Variants in PPP2R2D observed in about 807,000 individuals in gnomAD.
PPP2R2D encodes serine/threonine-protein phosphatase 2A 55 kDa regulatory subunit B delta isoform.
In PPP2R2D, 9 loss-of-function variants were observed where a neutral mutation model predicts 31.1. The ratio of observed to expected loss-of-function variants is 0.29; its 90% CI spans 0.17 to 0.51. The LOEUF is 0.51. PPP2R2D is among the 20% of genes least tolerant of loss of function. The probability of loss-of-function intolerance (pLI) is 0.98; values close to 1 mark genes in which losing one functional copy is unlikely to be tolerated. For missense variants in PPP2R2D, 391 were observed against 465.6 expected (o/e 0.84, Z 1.48); for synonymous variants, 179 against 172.6 (o/e 1.04, Z -0.29).
chr10:131,906,105 C>T (rs2035577187), intron 2 of PPP2R2D, among the ~76,000 whole-genome samples: 2 of 152,306 alleles, frequency 1.3e-5, no homozygotes, highest in Middle Eastern at 3.4e-3. Flanking sequence ...GCAAGTGCTG[C>T]AGCACCTTTG....
chr10:131,907,334 A>C (rs2035608648), intron 2 of PPP2R2D, among the ~76,000 whole-genome samples: 1 of 152,208 alleles, frequency 6.6e-6, no homozygotes, highest in Non-Finnish European at 1.5e-5. Context: ...TCAGGAAAGC[A>C]TCCTCTGGGG....
Position 131,956,311 on chromosome 10 carries a change from C to G in PPP2R2D, c.*348C>G, listed in dbSNP as rs1463656446. On this transcript the variant is annotated 3_prime_UTR_variant, in exon 9 of 9. Transcript: ENST00000455566. Reference sequence around the variant, plus strand: ...CCAAGAGAAAAGTTATTGTCAGATACCGCTCTTTCTCCAACTTTCCCTCTT... The same window carrying G: ...CCAAGAGAAAAGTTATTGTCAGATAGCGCTCTTTCTCCAACTTTCCCTCTT... 1 of 1,005,496 alleles carries G rather than the reference C, an allele frequency of 9.9e-7. No individual in the cohort carries two copies. The highest frequency in any genetic ancestry group is 1.7e-5 in the African/African-American group (1 of 58,062). 62.3% of individuals were successfully genotyped at this position (1,005,496 alleles called of 1,614,324 possible). A position where few individuals can be genotyped will look rare whatever the true frequency, so the allele number is the denominator to read the frequency against.
intron 2 of PPP2R2D, among the ~76,000 whole-genome samples, chr10:131,905,372 A>G (rs2035565554): frequency 1.3e-5 from 2 of 152,132 alleles, no homozygotes; most frequent in Non-Finnish European, 2.9e-5. Flanking sequence ...TCTGCATGTT[A>G]TGGAATCACC....
intron 2 of PPP2R2D, among the ~76,000 whole-genome samples, chr10:131,924,276 C>A (rs2036055858): frequency 6.6e-6 from 1 of 152,042 alleles, no homozygotes; most frequent in Non-Finnish European, 1.5e-5. Flanking sequence ...TTAGCTCTTA[C>A]ATTTAGGTCT....
intron 2 of PPP2R2D, among the ~76,000 whole-genome samples, chr10:131,901,600 C>T (rs1376764689): frequency 6.6e-6 from 1 of 152,184 alleles, no homozygotes; most frequent in African/African-American, 2.4e-5. Context: ...GTCCTCCGAA[C>T]CCAGCGCCTG....
In PPP2R2D at chr10:131,944,099, C is replaced by T; in HGVS notation, c.609C>T (p.Asp203=). The change falls in exon 6 of 9, where the codon GAC becomes GAT. Residue 203 remains aspartate, a synonymous_variant. Coordinates refer to ENST00000455566, the MANE Select transcript of PPP2R2D (RefSeq NM_018461.5). The part of the protein sequence containing the change: ...SDHETYLSAD[D]LRINLWHLEI... The stretch of plus-strand genomic sequence containing the variant: ...ATGAAACATATCTTTCTGCAGATGA[C>T]CTGAGAATTAATTTATGGCACTTAG... 2 of 1,611,964 alleles carry T rather than the reference C, an allele frequency of 1.2e-6. No individual in the cohort carries two copies. The highest frequency in any genetic ancestry group is 2.2e-5 in the East Asian group (1 of 44,840).
At chr10:131,964,839 T>C in the PPP2R2D span, among the ~76,000 whole-genome samples, 1 of 152,036 alleles carries the variant, frequency 6.6e-6, no homozygotes, top group African/African-American at 2.4e-5. Context: ...CAGTTATTCA[T>C]TGAATTTGGC....
chr10:131,901,190 G>C (rs1327397456), intron 1 of PPP2R2D, 35 bp downstream of exon 1: 22 of 332,932 alleles, frequency 6.6e-5, no homozygotes, highest in Non-Finnish European at 1.1e-4. Flanking sequence ...GGGACCACGG[G>C]GGCGGGCGGG....
chr10:131,901,929 T>C (rs2035506741), intron 2 of PPP2R2D, among the ~76,000 whole-genome samples: 2 of 152,260 alleles, frequency 1.3e-5, no homozygotes, highest in African/African-American at 2.4e-5. Context: ...TCTACTGATA[T>C]ATTTTAAGGT....
At chr10:131,921,473 A>T (rs2035987221) in intron 2 of PPP2R2D, among the ~76,000 whole-genome samples, 2 of 152,094 alleles carry the variant, frequency 1.3e-5, no homozygotes, top group South Asian at 4.1e-4. Context: ...CAAATGAGGG[A>T]TGGGCCTGGA....
chr10:131,939,906 T>A, intron 3 of PPP2R2D, 125 bp from the exon 4 acceptor site: 1 of 424,732 alleles, frequency 2.4e-6, no homozygotes, highest in Non-Finnish European at 4.3e-6. Flanking sequence ...ATCTGAGATT[T>A]TTTTGAGCCA....
intron 2 of PPP2R2D, among the ~76,000 whole-genome samples, chr10:131,908,175 C>T (rs1246979504): frequency 2.0e-5 from 3 of 152,138 alleles, no homozygotes; most frequent in Non-Finnish European, 2.9e-5. Flanking sequence ...TTTTCCTTAC[C>T]TGCTTCATGT....
intron 2 of PPP2R2D, among the ~76,000 whole-genome samples, chr10:131,920,359 G>A (rs556566811): frequency 1.5e-5 from 2 of 131,080 alleles, no homozygotes; most frequent in African/African-American, 5.9e-5. Context: ...TCAGGCAGGT[G>A]GAATGACACA....
chr10:131,947,503 C>G lies in PPP2R2D; in HGVS notation c.821-27C>G. ...TTGTTCTCTGATTTTTAAACAGAAGCTGAAAACATTTTATTTTGTTTTTCA... is the reference window on the plus strand; with the variant it reads ...TTGTTCTCTGATTTTTAAACAGAAGGTGAAAACATTTTATTTTGTTTTTCA... On this transcript the variant is annotated intron_variant, in intron 7 of 8. Coordinates refer to ENST00000455566, the MANE Select transcript of PPP2R2D (RefSeq NM_018461.5). This position sits in a 1 kb window ranked among gnomAD's most constrained non-coding sequence, Gnocchi z 4.3. 6.2e-7 allele frequency: 1 copy of G among 1,604,252 alleles called. No homozygotes were observed. Among genetic ancestry groups the G allele is most frequent in the Non-Finnish European group, 8.5e-7 (1 of 1,174,628 alleles).
the PPP2R2D span, chr10:131,970,964 C>T: frequency 2.5e-6 from 4 of 1,613,490 alleles, no homozygotes; most frequent in South Asian, 1.1e-5. The surrounding 1 kb of genome is among the most constrained non-coding windows in gnomAD (Gnocchi z 4.1). Context: ...ATATCATCTT[C>T]CTCAGACTAA....
intron 2 of PPP2R2D, among the ~76,000 whole-genome samples, chr10:131,927,242 C>T (rs550515606): frequency 3.3e-5 from 5 of 151,992 alleles, no homozygotes; most frequent in South Asian, 2.1e-4. Flanking sequence ...AGGGAGGAGC[C>T]GTGGTCTGGG....
chr10:131,929,533 G>A (rs2036172426), intron 2 of PPP2R2D, among the ~76,000 whole-genome samples: 1 of 152,162 alleles, frequency 6.6e-6, no homozygotes, highest in East Asian at 1.9e-4. Flanking sequence ...TCTCTCTTCT[G>A]AGGGGACTTC....
In PPP2R2D at chr10:131,947,287, G is replaced by A. The variant is rs977722752; in HGVS notation, c.821-243G>A. Among the ~76,000 whole-genome samples the A allele has an allele frequency of 1.1e-4, 17 of 152,290 alleles. No individual in the cohort carries two copies. The highest frequency in any genetic ancestry group is 1.9e-4 in the Non-Finnish European group (13 of 68,034). On this transcript the variant is annotated intron_variant, in intron 7 of 8. Coordinates refer to ENST00000455566, the MANE Select transcript of PPP2R2D (RefSeq NM_018461.5). The surrounding 1 kb of genome is among the most constrained non-coding windows in gnomAD (Gnocchi z 4.3). ...TTCAGGGTCCGGGTGAGACTTGGGC[G>A]TCTACGCTTCTCATGCCCATCCCTT...
chr10:131,941,335 T>G (rs1376890492), intron 5 of PPP2R2D, among the ~76,000 whole-genome samples: 2 of 152,248 alleles, frequency 1.3e-5, no homozygotes, highest in African/African-American at 4.8e-5. Flanking sequence ...GTCTTATAAT[T>G]GGCCTGGTGC....
Sources: allele counts gnomAD v4.1 joint callset (sites outside exome capture counted in the v4.1 genomes callset), GRCh38; gene constraint gnomAD v4.1.1; non-coding constraint Gnocchi (gnomAD v3.1); transcripts MANE v1.5; gene names NCBI Gene and HGNC (gene_info 2026-07-23, HGNC 2026-07-21).